The following BMPR1B variants were observed in gnomAD, a reference collection of about 807,000 sequenced individuals.
The protein encoded by BMPR1B is bone morphogenetic protein receptor type 1B, also known as bone morphogenetic protein receptor type-1B.
BMPR1B carries 12 observed loss-of-function variants against 59.1 expected under a neutral mutation model. The observed-to-expected ratio is 0.20, with a 90% confidence interval of 0.13 to 0.33. BMPR1B has a LOEUF of 0.33. Ranked by LOEUF, BMPR1B falls within the 10% of genes least tolerant of loss-of-function variation. The pLI, the probability that BMPR1B is intolerant of heterozygous loss-of-function variation, is 1.00. For missense variants in BMPR1B, 550 were observed against 610.9 expected (o/e 0.90, Z 1.05); for synonymous variants, 237 against 207.3 (o/e 1.14, Z -1.23).
intron 3 of BMPR1B, among the ~76,000 whole-genome samples, chr4:95,004,743 A>G (rs1474236304): frequency 6.6e-6 from 1 of 152,150 alleles, no homozygotes; most frequent in East Asian, 1.9e-4. Flanking sequence ...TAACCTTGAA[A>G]TTTATATCTG....
At chr4:94,892,416 ATG>A (rs1313783106) in intron 2 of BMPR1B, among the ~76,000 whole-genome samples, 1 of 152,108 alleles carries the variant, frequency 6.6e-6, no homozygotes, top group Non-Finnish European at 1.5e-5. Flanking sequence ...AGTTATAATT[ATG>A]TGAGATGAGA....
At chr4:94,955,627 A>G (rs1209610003) in intron 2 of BMPR1B, among the ~76,000 whole-genome samples, 1 of 108,314 alleles carries the variant, frequency 9.2e-6, no homozygotes, top group African/African-American at 4.0e-5. Context: ...ACGTATTAGC[A>G]CATTTAATTC....
intron 3 of BMPR1B, among the ~76,000 whole-genome samples, chr4:95,100,095 G>A (rs1021857057): frequency 3.9e-5 from 6 of 152,114 alleles, no homozygotes; most frequent in African/African-American, 1.4e-4. Context: ...CCTATGCAAT[G>A]TCTCATCTTA....
At chr4:94,801,206 C>T (rs567544329) in intron 1 of BMPR1B, among the ~76,000 whole-genome samples, 3 of 152,346 alleles carry the variant, frequency 2.0e-5, no homozygotes, top group African/African-American at 7.2e-5. Context: ...CTCCCCGACT[C>T]CCACTTCTCT....
chr4:95,022,669 T>A (rs1724078261), intron 3 of BMPR1B, among the ~76,000 whole-genome samples: 1 of 152,112 alleles, frequency 6.6e-6, no homozygotes. Flanking sequence ...TTATTATGTT[T>A]AGAAGTGTGT....
chr4:94,951,064 A>G (rs1729914631), intron 2 of BMPR1B, among the ~76,000 whole-genome samples: 1 of 152,146 alleles, frequency 6.6e-6, no homozygotes, highest in Admixed American at 6.5e-5. Flanking sequence ...GAGTTTGCCC[A>G]TGATTTGGCT....
intron 1 of BMPR1B, among the ~76,000 whole-genome samples, chr4:94,774,612 A>G (rs1055523023): frequency 6.6e-6 from 1 of 152,072 alleles, no homozygotes; most frequent in East Asian, 1.9e-4. Flanking sequence ...AACCTGATTC[A>G]TAATTCACTT....
At chr4:95,137,507 G>C (rs1012502096) in intron 10 of BMPR1B, among the ~76,000 whole-genome samples, 2 of 152,024 alleles carry the variant, frequency 1.3e-5, no homozygotes, top group African/African-American at 4.8e-5. Context: ...TTGACAGTGG[G>C]GTGTTAAAGT....
intron 6 of BMPR1B, among the ~76,000 whole-genome samples, chr4:95,116,333 T>C (rs1233206937): frequency 6.6e-6 from 1 of 151,446 alleles, no homozygotes; most frequent in African/African-American, 2.4e-5. Flanking sequence ...ATGACAAATA[T>C]TGCCTCCCAA....
chr4:94,954,748 T>C (rs1435035484), intron 2 of BMPR1B, among the ~76,000 whole-genome samples: 1 of 152,286 alleles, frequency 6.6e-6, no homozygotes, highest in Non-Finnish European at 1.5e-5. Context: ...ACAATATATA[T>C]CTCAAAAGGG....
chr4:94,888,610 A>G (rs1177531833), intron 2 of BMPR1B, among the ~76,000 whole-genome samples: 1 of 152,036 alleles, frequency 6.6e-6, no homozygotes, highest in Non-Finnish European at 1.5e-5. Flanking sequence ...AGATAAGGAA[A>G]CTAAAGCAGA....
chr4:94,930,684 T>C (rs919906099), intron 2 of BMPR1B, among the ~76,000 whole-genome samples: 1 of 152,128 alleles, frequency 6.6e-6, no homozygotes, highest in Non-Finnish European at 1.5e-5. Flanking sequence ...CCAATACTTT[T>C]AAAAAGCCAT....
At chr4:95,135,543 A>T (rs1733710828) in intron 10 of BMPR1B, among the ~76,000 whole-genome samples, 1 of 152,164 alleles carries the variant, frequency 6.6e-6, no homozygotes, top group African/African-American at 2.4e-5. Context: ...TTCATTGAGC[A>T]GTGGTTTGTA....
At chr4:94,897,198 C>A (rs1044215034) in intron 2 of BMPR1B, among the ~76,000 whole-genome samples, 2 of 151,990 alleles carry the variant, frequency 1.3e-5, no homozygotes, top group Non-Finnish European at 2.9e-5. Context: ...AAGCCCCAGT[C>A]TGGAATGACA....
chr4:94,853,163 GTTT>G (rs1468330915), intron 1 of BMPR1B, among the ~76,000 whole-genome samples: 2 of 152,050 alleles, frequency 1.3e-5, no homozygotes, highest in Non-Finnish European at 2.9e-5. Flanking sequence ...ATGAGCAAAT[GTTT>G]ATTACTTAAA....
intron 2 of BMPR1B, among the ~76,000 whole-genome samples, chr4:94,880,906 G>A (rs1200930144): frequency 6.6e-6 from 1 of 152,118 alleles, no homozygotes; most frequent in Non-Finnish European, 1.5e-5. Flanking sequence ...AAAGTGCTGA[G>A]ATTATAGGAC....
chr4:95,099,443 C>T (rs1730661914), intron 3 of BMPR1B, among the ~76,000 whole-genome samples: 1 of 152,100 alleles, frequency 6.6e-6, no homozygotes, highest in South Asian at 2.1e-4. Flanking sequence ...GAATTATGGC[C>T]CCTTTGAAAG....
chr4:94,889,957 TACCCC>T (rs1727325779), intron 2 of BMPR1B, among the ~76,000 whole-genome samples: 1 of 152,016 alleles, frequency 6.6e-6, no homozygotes, highest in Non-Finnish European at 1.5e-5. Flanking sequence ...ACCCCTCCTC[TACCCC>T]AAATAGAGGG....
intron 2 of BMPR1B, among the ~76,000 whole-genome samples, chr4:94,962,915 T>G (rs1730424468): frequency 6.6e-6 from 1 of 152,174 alleles, no homozygotes. Flanking sequence ...CCATAATGGC[T>G]GTACTAATTC....
Sources: gnomAD v4.1 joint callset for allele counts (sites outside exome capture counted in the v4.1 genomes callset) on GRCh38, gnomAD v4.1.1 for gene constraint, MANE v1.5 for transcripts, NCBI Gene and HGNC (gene_info 2026-07-23, HGNC 2026-07-21) for gene names.